Variants in BTBD9 observed in about 807,000 individuals in gnomAD.
BTBD9 encodes the protein BTB/POZ domain-containing protein 9.
Under a neutral mutation model 64.3 loss-of-function variants are expected in BTBD9, and 49 were observed. The observed-to-expected ratio is 0.76, with a 90% CI of 0.61 to 0.97. BTBD9 has a LOEUF of 0.97. Ranked by LOEUF, BTBD9 falls within the 50% of genes least tolerant of loss-of-function variation. BTBD9 has a pLI of 0.00. For synonymous variants in BTBD9, 260 were observed against 274.7 expected (o/e 0.95, Z 0.53); for missense variants, 598 against 762.1 (o/e 0.78, Z 2.53).
At chr6:38,405,025 T>C (rs1767102653) in intron 6 of BTBD9, among the ~76,000 whole-genome samples, 1 of 152,186 alleles carries the variant, frequency 6.6e-6, no homozygotes, top group Admixed American at 6.5e-5. Flanking sequence ...AACGATCTTG[T>C]CTGATTCATA....
At chr6:38,374,325 A>ATATATG (rs1582318128) in intron 6 of BTBD9, among the ~76,000 whole-genome samples, 1 of 123,474 alleles carries the variant, frequency 8.1e-6, no homozygotes, top group East Asian at 2.2e-4. Context: ...ATATATATAT[A>ATATATG]TGTATATAAA....
At chr6:38,428,170 G>A (rs75460096) in intron 6 of BTBD9, among the ~76,000 whole-genome samples, 3,228 of 151,938 alleles carry the variant, frequency 0.021, 173 homozygotes, top group African/African-American at 0.074. Context: ...ATATATCCCT[G>A]ACATTTGAAC....
chr6:38,198,226 A>G (rs961214926), intron 9 of BTBD9, among the ~76,000 whole-genome samples: 11 of 151,278 alleles, frequency 7.3e-5, no homozygotes, highest in Non-Finnish European at 1.5e-4. Context: ...TTTGCTGGAG[A>G]TGGAATTAGC....
At chr6:38,440,640 C>T (rs905026676) in intron 6 of BTBD9, among the ~76,000 whole-genome samples, 2 of 152,136 alleles carry the variant, frequency 1.3e-5, no homozygotes, top group African/African-American at 4.8e-5. Context: ...GCAAGCAACA[C>T]TAATGTTAAT....
intron 6 of BTBD9, among the ~76,000 whole-genome samples, chr6:38,345,462 A>T (rs1202157513): frequency 6.6e-6 from 1 of 152,248 alleles, no homozygotes; most frequent in East Asian, 1.9e-4. Context: ...GTGGTTAGGA[A>T]TGTGCTGGAG....
intron 6 of BTBD9, among the ~76,000 whole-genome samples, chr6:38,390,055 T>A (rs966008886): frequency 6.6e-6 from 1 of 152,228 alleles, no homozygotes; most frequent in African/African-American, 2.4e-5. Flanking sequence ...TTCTTCCTGA[T>A]GGTACAATGA....
intron 6 of BTBD9, among the ~76,000 whole-genome samples, chr6:38,494,194 T>C (rs1272415526): frequency 6.6e-6 from 1 of 152,258 alleles, no homozygotes; most frequent in Non-Finnish European, 1.5e-5. Flanking sequence ...AGCAAATCTT[T>C]TCATGTTGAA....
Position 38,331,484 on chromosome 6 carries a change from A to G in BTBD9, c.1264+13500T>C, listed in dbSNP as rs185925651. ...CAGAGACAGACTCCCTCTCAAAAAG[A>G]AAAAAAGAGGGGGGGCCAAGAAATA... On this transcript the variant is annotated intron_variant, in intron 7 of 10. Transcript: ENST00000481247. Among the ~76,000 whole-genome samples the G allele has an allele frequency of 1.2e-3, 190 of 152,242 alleles. 2 individuals carry two copies. The highest frequency in any genetic ancestry group is 4.5e-3 in the African/African-American group (188 of 41,558).
chr6:38,592,713 C>G lies in BTBD9; in HGVS notation c.677G>C (p.Arg226Pro). The change falls in exon 4 of 11, where the codon CGT becomes CCT. Residue 226 changes from arginine (R) to proline (P), a missense_variant. Arg to Pro is a moderately radical substitution (Grantham distance 103). Coordinates refer to ENST00000481247, the MANE Select transcript of BTBD9 (RefSeq NM_001099272.2). ...ENHAEIMQAV[R>P]LPLMSLTELL... ...CTCTGTGAGGCTCATGAGAGGTAAA[C>G]GCACAGCCTGCATGATTTCAGCATG... is the stretch of plus-strand genomic sequence containing the variant. 1 of 1,614,168 alleles carries G rather than the reference C, an allele frequency of 6.2e-7. No individual in the cohort carries two copies. The highest frequency in any genetic ancestry group is 1.3e-5 in the African/African-American group (1 of 75,018).
chr6:38,396,276 A>C (rs1347830355), intron 6 of BTBD9, among the ~76,000 whole-genome samples: 1 of 152,220 alleles, frequency 6.6e-6, no homozygotes, highest in South Asian at 2.1e-4. Context: ...TGAACAGAAG[A>C]AAGATAAAAC....
At chr6:38,198,724 A>T (rs539822476) in intron 9 of BTBD9, among the ~76,000 whole-genome samples, 18 of 152,348 alleles carry the variant, frequency 1.2e-4, no homozygotes, top group African/African-American at 4.3e-4. Context: ...AACACAGCAA[A>T]CTCAACACAT....
At chr6:38,271,756 A>G (rs1252302290) in intron 8 of BTBD9, among the ~76,000 whole-genome samples, 1 of 152,216 alleles carries the variant, frequency 6.6e-6, no homozygotes, top group Non-Finnish European at 1.5e-5. Context: ...ATAAAGATAC[A>G]GTTTAAACTA....
chr6:38,552,595 C>T (rs112921510), intron 6 of BTBD9, among the ~76,000 whole-genome samples: 31,048 of 151,910 alleles, frequency 0.2, 3,662 homozygotes, highest in Non-Finnish European at 0.29. Flanking sequence ...GGTGAAACCT[C>T]GTCTCTACCA....
At chr6:38,257,302 C>T (rs1400895530) in intron 8 of BTBD9, among the ~76,000 whole-genome samples, 1 of 151,982 alleles carries the variant, frequency 6.6e-6, no homozygotes, top group African/African-American at 2.4e-5. Context: ...CTCCTGGGCT[C>T]AAGTGATCCT....
chr6:38,196,109 G>T (rs887658404), intron 9 of BTBD9, among the ~76,000 whole-genome samples: 1 of 152,232 alleles, frequency 6.6e-6, no homozygotes, highest in African/African-American at 2.4e-5. Context: ...CAAGACAGCA[G>T]GCTTTACTCC....
Position 38,438,254 on chromosome 6 carries a change from G to GGGAGGAAGGAAGGAAGGAAGGAAA in BTBD9, c.1155-93162_1155-93161insTTTCCTTCCTTCCTTCCTTCCTCC, listed in dbSNP as rs1554152227. Among the ~76,000 whole-genome samples, 19 of 96,806 alleles carry GGGAGGAAGGAAGGAAGGAAGGAAA rather than the reference G, an allele frequency of 2.0e-4. 1 individual carries two copies. Among genetic ancestry groups the GGGAGGAAGGAAGGAAGGAAGGAAA allele is most frequent in the African/African-American group, 7.5e-4 (17 of 22,644 alleles). 63.5% of individuals were successfully genotyped at this position (96,806 alleles called of 152,430 possible). On this transcript the variant is annotated intron_variant, in intron 6 of 10. Transcript: ENST00000481247. ...AGGGAGGGAGGGAGGGAGGGAGGAA[G>GGGAGGAAGGAAGGAAGGAAGGAAA]GAAGGAAGGAACAGACTACTACTGG...
chr6:38,171,568 GT>G lies in BTBD9; in HGVS notation c.*3416del. 5.2e-5 allele frequency: 1 copy of G among 19,368 alleles called. No homozygotes were observed. The allele number at this position is 19,368 out of a possible 1,614,324, so 1.2% of individuals were successfully genotyped here. A position where few individuals can be genotyped will look rare whatever the true frequency, so the allele number is the denominator to read the frequency against. ...AATGGTAAAACGGGTGTGTGTGTGT[GT>G]GTGTGTGTGTGTGTGTGTGTGTGTG... On this transcript the variant is annotated 3_prime_UTR_variant, in exon 11 of 11. Transcript: ENST00000481247.
chr6:38,239,150 T>C (rs1343908059), intron 9 of BTBD9, among the ~76,000 whole-genome samples: 1 of 152,052 alleles, frequency 6.6e-6, no homozygotes, highest in Non-Finnish European at 1.5e-5. Flanking sequence ...TATAATCTCT[T>C]GGCCAGGAGC....
intron 6 of BTBD9, among the ~76,000 whole-genome samples, chr6:38,419,599 G>A (rs149555305): frequency 0.018 from 2,785 of 152,186 alleles, 23 homozygotes; most frequent in Middle Eastern, 0.027. Flanking sequence ...AGCTGGGTGC[G>A]GTGGCTCATG....
Sources: allele counts gnomAD v4.1 joint callset (sites outside exome capture counted in the v4.1 genomes callset), GRCh38; gene constraint gnomAD v4.1.1; transcripts MANE v1.5; gene names NCBI Gene and HGNC (gene_info 2026-07-23, HGNC 2026-07-21).